SPTLC3: variants seen among roughly 807,000 people sequenced by gnomAD.
SPTLC3 encodes serine palmitoyltransferase long chain base subunit 3, also known as serine palmitoyltransferase 3.
Under a neutral mutation model 59.3 loss-of-function variants are expected in SPTLC3, and 36 were observed. The ratio of observed to expected loss-of-function variants is 0.61; its 90% confidence interval spans 0.47 to 0.80. SPTLC3 has a LOEUF of 0.80. SPTLC3 is among the 30% of genes least tolerant of loss of function. SPTLC3 has a pLI of 0.00. For synonymous variants in SPTLC3, 257 were observed against 240.8 expected (o/e 1.07, Z -0.62); for missense variants, 625 against 685.1 (o/e 0.91, Z 0.98).
Position 13,117,558 on chromosome 20 carries a change from T to C in SPTLC3, c.985T>C (p.Tyr329His), listed in dbSNP as rs748767143. 14 of 1,612,174 alleles carry C rather than the reference T, an allele frequency of 8.7e-6. No individual in the cohort carries two copies. The highest frequency in any genetic ancestry group is 1.1e-5 in the Non-Finnish European group (13 of 1,179,276). The change falls in exon 8 of 12, where the codon TAC becomes CAC. Residue 329 changes from tyrosine (Y) to histidine (H), a missense_variant. Transcript: ENST00000399002. ...CCAGATCATAGCTCTAAAGAAGAAATACAAGGCTTACCTCTACATAGATGA... is the reference window on the plus strand; with the variant it reads ...CCAGATCATAGCTCTAAAGAAGAAACACAAGGCTTACCTCTACATAGATGA... ...LPQIIALKKKYKAYLYIDEAH... is the reference protein window; with the variant it reads ...LPQIIALKKKHKAYLYIDEAH...
chr20:13,076,706 CA>C (rs1339218001), intron 4 of SPTLC3, among the ~76,000 whole-genome samples: 1 of 151,946 alleles, frequency 6.6e-6, no homozygotes, highest in Non-Finnish European at 1.5e-5. Flanking sequence ...CTATGTGCTG[CA>C]ATTTAAAAAT....
At position 13,136,894 on chromosome 20, in the gene SPTLC3, A is replaced by G. The variant is rs531430386; in HGVS notation, c.1279+10177A>G. On this transcript the variant is annotated intron_variant, in intron 9 of 11. Transcript: ENST00000399002. ...CTGTTACTATTATCCTTCTTTAATT[A>G]TCTTAGATATTATCAATTAAACAGA... Among the ~76,000 whole-genome samples, 7 of 152,092 alleles carry G rather than the reference A, an allele frequency of 4.6e-5. No homozygotes were observed. In the East Asian group the frequency reaches 9.6e-4, roughly 21 times the overall value.
chr20:13,024,181 A>C (rs1986033411), intron 1 of SPTLC3, among the ~76,000 whole-genome samples: 1 of 152,214 alleles, frequency 6.6e-6, no homozygotes, highest in African/African-American at 2.4e-5. Context: ...GTCATGCAAA[A>C]GTTAACTAAA....
chr20:13,138,369 T>C (rs970569640), intron 9 of SPTLC3, among the ~76,000 whole-genome samples: 5 of 152,130 alleles, frequency 3.3e-5, no homozygotes, highest in African/African-American at 1.2e-4. Flanking sequence ...ATTCATTATC[T>C]CCTGAGCCCC....
chr20:13,039,741 A>G (rs565240849), intron 1 of SPTLC3, among the ~76,000 whole-genome samples: 1 of 151,900 alleles, frequency 6.6e-6, no homozygotes, highest in Admixed American at 6.6e-5. Context: ...TTCTAGTATG[A>G]TATTTTCATT....
intron 6 of SPTLC3, among the ~76,000 whole-genome samples, chr20:13,105,914 G>C (rs1989866346): frequency 6.6e-6 from 1 of 152,160 alleles, no homozygotes; most frequent in Admixed American, 6.5e-5. Context: ...CAAGTCGCAA[G>C]GTTTTCTTCA....
intron 4 of SPTLC3, among the ~76,000 whole-genome samples, chr20:13,086,469 A>G (rs1305894012): frequency 6.6e-6 from 1 of 152,204 alleles, no homozygotes; most frequent in East Asian, 1.9e-4. Context: ...CATCCTAGGA[A>G]TCTTTCAGGT....
intron 9 of SPTLC3, among the ~76,000 whole-genome samples, chr20:13,149,599 G>A (rs562176141): frequency 3.9e-5 from 6 of 152,336 alleles, no homozygotes; most frequent in Admixed American, 1.3e-4. Flanking sequence ...ATGAGAAAGC[G>A]TGGCAACCAC....
chr20:13,125,323 G>A (rs537032500), intron 8 of SPTLC3, among the ~76,000 whole-genome samples: 1 of 152,332 alleles, frequency 6.6e-6, no homozygotes, highest in East Asian at 1.9e-4. Context: ...TCCAAAGAGT[G>A]TTACACAAAA....
chr20:13,123,820 G>A (rs1366353509), intron 8 of SPTLC3, among the ~76,000 whole-genome samples: 4 of 152,244 alleles, frequency 2.6e-5, no homozygotes, highest in East Asian at 1.9e-4. Flanking sequence ...ACAGGTCCAC[G>A]TAAGCCTCCA....
At chr20:13,027,897 C>T (rs895346308) in intron 1 of SPTLC3, among the ~76,000 whole-genome samples, 1 of 152,108 alleles carries the variant, frequency 6.6e-6, no homozygotes, top group African/African-American at 2.4e-5. Flanking sequence ...TTACCTTTGT[C>T]ATCACATCTC....
chr20:13,131,722 C>A (rs2038123905), intron 9 of SPTLC3, among the ~76,000 whole-genome samples: 1 of 152,222 alleles, frequency 6.6e-6, no homozygotes, highest in African/African-American at 2.4e-5. Context: ...CCTGAATATT[C>A]TCCCCACTTT....
At chr20:13,118,459 A>C (rs1459310165) in intron 8 of SPTLC3, among the ~76,000 whole-genome samples, 1 of 143,744 alleles carries the variant, frequency 7.0e-6, no homozygotes, top group African/African-American at 2.9e-5. Flanking sequence ...GAAAAAAAAA[A>C]CAAAAAAAAA....
At chr20:13,081,980 G>T (rs984319406) in intron 4 of SPTLC3, among the ~76,000 whole-genome samples, 2 of 152,090 alleles carry the variant, frequency 1.3e-5, no homozygotes, top group African/African-American at 4.8e-5. Flanking sequence ...CAACATAATT[G>T]CCCTTCTCCT....
At chr20:13,096,814 T>C (rs1047099456) in intron 6 of SPTLC3, among the ~76,000 whole-genome samples, 8 of 152,138 alleles carry the variant, frequency 5.3e-5, no homozygotes, top group Non-Finnish European at 7.4e-5. Context: ...ATATATAAAA[T>C]TAAAACCATT....
chr20:13,027,954 T>C (rs996228377), intron 1 of SPTLC3, among the ~76,000 whole-genome samples: 1 of 152,186 alleles, frequency 6.6e-6, no homozygotes, highest in Non-Finnish European at 1.5e-5. Context: ...CTTTGGAGTC[T>C]TTGACCAGCC....
At chr20:13,050,103 A>G (rs1292703828) in intron 2 of SPTLC3, 2 of 152,266 alleles carry the variant, frequency 1.3e-5, no homozygotes, top group East Asian at 3.8e-4. Context: ...GATTTACCTG[A>G]AAAAGAATTC....
intron 11 of SPTLC3, among the ~76,000 whole-genome samples, chr20:13,162,630 A>C (rs913657914): frequency 3.3e-5 from 5 of 152,248 alleles, no homozygotes; most frequent in African/African-American, 9.6e-5. Context: ...AGACAAGGCC[A>C]CAATACTTAA....
intron 6 of SPTLC3, among the ~76,000 whole-genome samples, chr20:13,106,954 G>A (rs1473213494): frequency 6.6e-6 from 1 of 152,214 alleles, no homozygotes; most frequent in Admixed American, 6.5e-5. Flanking sequence ...GAGAGGAAAG[G>A]ACTGCAAAGT....
Sources: allele counts gnomAD v4.1 joint callset (sites outside exome capture counted in the v4.1 genomes callset), GRCh38; gene constraint gnomAD v4.1.1; transcripts MANE v1.5; gene names NCBI Gene and HGNC (gene_info 2026-07-23, HGNC 2026-07-21).